The following USP49 variants were observed in gnomAD, a reference collection of about 807,000 sequenced individuals.
The protein encoded by USP49 is ubiquitin specific peptidase 49, also known as ubiquitin carboxyl-terminal hydrolase 49.
USP49 carries 24 observed loss-of-function variants against 58.6 expected under a neutral mutation model. The ratio of observed to expected loss-of-function variants is 0.41; its 90% CI spans 0.30 to 0.58. The LOEUF (loss-of-function observed/expected upper bound fraction) is 0.58. Among genes scored for constraint, USP49 ranks in the 20% least tolerant of loss-of-function variants. The pLI is 0.30. For synonymous variants in USP49, 408 were observed against 365.1 expected, an observed-to-expected ratio of 1.12 and a Z score of -1.34; for missense variants, 703 against 866.1, an observed-to-expected ratio of 0.81 and a Z score of 2.36.
chr6:41,882,635 A>G (rs1774629923), intron 2 of USP49, among the ~76,000 whole-genome samples: 1 of 146,848 alleles, frequency 6.8e-6, no homozygotes, highest in South Asian at 2.1e-4. Context: ...AGAACAAGGC[A>G]GCCACGCGCA....
chr6:41,812,315 G>C (rs1440985534), intron 3 of USP49, among the ~76,000 whole-genome samples: 2 of 151,482 alleles, frequency 1.3e-5, no homozygotes, highest in Non-Finnish European at 2.9e-5. Context: ...CCGACCTCAG[G>C]TGATCCGCCT....
At chr6:41,834,546 A>C (rs751904191) in intron 3 of USP49, among the ~76,000 whole-genome samples, 10 of 152,126 alleles carry the variant, frequency 6.6e-5, no homozygotes, top group Admixed American at 1.3e-4. Flanking sequence ...GACTGGATCA[A>C]GGGGGCAATT....
In USP49 at chr6:41,803,935, G is replaced by A. The variant is rs576361896; in HGVS notation, c.1432C>T (p.Arg478Cys). ...AACCCCTTTTCTATGCAGTGATAGC[G>A]TTCAGGGAATTCCAGGGATAGGTCC... ...FWDLSLEFPE[R>C]YHCIEKGFVP... The change falls in exon 5 of 8, where the codon CGC becomes TGC. Residue 478 changes from arginine (R) to cysteine (C), a missense_variant. Transcript: ENST00000682992. The surrounding 1 kb of genome is among the most constrained non-coding windows in gnomAD (Gnocchi z 4.1). 39 of 1,614,136 alleles carry A rather than the reference G, an allele frequency of 2.4e-5. 1 individual carries two copies. Among genetic ancestry groups the A allele is most frequent in the South Asian group, 1.4e-4 (13 of 91,078 alleles).
At position 41,833,907 on chromosome 6, in the gene USP49, C is replaced by T. The variant is rs143141519; in HGVS notation, c.-28-26896G>A. Among the ~76,000 whole-genome samples, 108 of 152,326 alleles carry T rather than the reference C, an allele frequency of 7.1e-4. 1 individual carries two copies. In the East Asian group the frequency reaches 0.02, roughly 29 times the overall value. ...TCTACGAAGCTGTTGCTGAATTCTG[C>T]CCTTTTGGCAAAACACTTCCAATGT... is the stretch of plus-strand genomic sequence containing the variant. On this transcript the variant is annotated intron_variant, in intron 3 of 7. Coordinates refer to ENST00000682992, the MANE Select transcript of USP49 (RefSeq NM_001286554.2).
At chr6:41,850,141 T>C (rs1372143526) in intron 3 of USP49, among the ~76,000 whole-genome samples, 1 of 152,020 alleles carries the variant, frequency 6.6e-6, no homozygotes, top group African/African-American at 2.4e-5. Context: ...TGTAAAAGCA[T>C]ATATTAAAAA....
intron 5 of USP49, among the ~76,000 whole-genome samples, chr6:41,802,410 TTA>T (rs1773019720): frequency 9.2e-6 from 1 of 108,334 alleles, no homozygotes; most frequent in African/African-American, 4.0e-5. Flanking sequence ...ATTTTATTTT[TTA>T]TTTTATTTTA....
chr6:41,822,375 G>A (rs958683290), intron 3 of USP49, among the ~76,000 whole-genome samples: 4 of 152,176 alleles, frequency 2.6e-5, no homozygotes, highest in African/African-American at 7.2e-5. Flanking sequence ...ATTTACAAAT[G>A]GATCCTCAAG....
intron 4 of USP49, among the ~76,000 whole-genome samples, chr6:41,805,006 C>T (rs1486105864): frequency 6.6e-6 from 1 of 152,236 alleles, no homozygotes; most frequent in Non-Finnish European, 1.5e-5. Context: ...CCTTGGCCTC[C>T]TGAAGTGCTG....
At position 41,798,925 on chromosome 6, in the gene USP49, A is replaced by G. The variant is rs1217314460; in HGVS notation, c.1675T>C (p.Ser559Pro). The G allele has an allele frequency of 1.2e-6, 2 of 1,613,702 alleles. No individual in the cohort carries two copies. The highest frequency in any genetic ancestry group is 1.7e-6 in the Non-Finnish European group (2 of 1,179,930). Reference protein sequence around the residue: ...LRLHLKRFRWSGRNHREKIGV... With the variant: ...LRLHLKRFRWPGRNHREKIGV... The stretch of plus-strand genomic sequence containing the variant: ...ATCTTCTCTCGATGATTACGGCCAG[A>G]CCACCTAGAACATGGATATAAGCTT... Residue 559 changes from serine to proline, a missense_variant, in exon 7 of 8, where the codon TCT becomes CCT. Coordinates refer to ENST00000682992, the MANE Select transcript of USP49 (RefSeq NM_001286554.2).
chr6:41,826,400 G>A (rs1367593317), intron 3 of USP49, among the ~76,000 whole-genome samples: 1 of 152,138 alleles, frequency 6.6e-6, no homozygotes, highest in Non-Finnish European at 1.5e-5. Context: ...CCAAACAATA[G>A]ATCTCTAAGG....
intron 3 of USP49, among the ~76,000 whole-genome samples, chr6:41,818,995 TAAAGG>T (rs1393211796): frequency 6.6e-6 from 1 of 151,956 alleles, no homozygotes; most frequent in Non-Finnish European, 1.5e-5. Context: ...AGAGTCTCCC[TAAAGG>T]AAAGTGGGGA....
intron 2 of USP49, among the ~76,000 whole-genome samples, chr6:41,891,018 C>T (rs1358320706): frequency 2.6e-5 from 4 of 152,302 alleles, no homozygotes; most frequent in Admixed American, 2.6e-4. Flanking sequence ...TTGATGTAAT[C>T]TTTACATTAT....
At chr6:41,808,407 C>CT (rs5875774) in intron 3 of USP49, among the ~76,000 whole-genome samples, 1,962 of 117,528 alleles carry the variant, frequency 0.017, 41 homozygotes, top group African/African-American at 0.029. Flanking sequence ...AGCTATACAA[C>CT]TTTTTTTTTT....
chr6:41,884,017 A>G (rs188895770), intron 2 of USP49, among the ~76,000 whole-genome samples: 1 of 152,042 alleles, frequency 6.6e-6, no homozygotes, highest in East Asian at 1.9e-4. Flanking sequence ...CATCCACATG[A>G]ACAGATCTTT....
At chr6:41,809,894 G>A (rs989448341) in intron 3 of USP49, among the ~76,000 whole-genome samples, 1 of 150,598 alleles carries the variant, frequency 6.6e-6, no homozygotes, top group Admixed American at 6.6e-5. Context: ...GCTCACGCCT[G>A]TAATCCCAGC....
intron 3 of USP49, among the ~76,000 whole-genome samples, chr6:41,844,051 T>A (rs776614032): frequency 7.5e-5 from 11 of 146,834 alleles, no homozygotes; most frequent in Non-Finnish European, 1.1e-4. Context: ...TCTCAAAAAA[T>A]AAATAAATAA....
chr6:41,868,761 C>T (rs1397082545), intron 3 of USP49: 2 of 152,078 alleles, frequency 1.3e-5, no homozygotes, highest in African/African-American at 4.8e-5. Context: ...ATTACTGTTT[C>T]TGTTTTGTTG....
intron 3 of USP49, among the ~76,000 whole-genome samples, chr6:41,842,635 C>A (rs376815073): frequency 6.6e-6 from 1 of 151,956 alleles, no homozygotes; most frequent in African/African-American, 2.4e-5. Context: ...ACCTATTTTT[C>A]ATTTTAATCA....
chr6:41,808,942 GTCTC>G (rs1331630411), intron 3 of USP49, among the ~76,000 whole-genome samples: 5 of 151,616 alleles, frequency 3.3e-5, no homozygotes, highest in Admixed American at 1.3e-4. Flanking sequence ...TTGAGAGAGG[GTCTC>G]TCTGTCACCC....
Sources: allele counts gnomAD v4.1 joint callset (sites outside exome capture counted in the v4.1 genomes callset), GRCh38; gene constraint gnomAD v4.1.1; non-coding constraint Gnocchi (gnomAD v3.1); transcripts MANE v1.5; gene names NCBI Gene and HGNC (gene_info 2026-07-23, HGNC 2026-07-21).